Variants in MAP3K20 observed in about 807,000 individuals in gnomAD.
MAP3K20 encodes mitogen-activated protein kinase kinase kinase 20, also known as HCCS-4.
A neutral mutation model predicts 85.7 loss-of-function variants in MAP3K20; 40 were observed. That is an observed-to-expected ratio of 0.47 (90% CI 0.36 to 0.61). The LOEUF (loss-of-function observed/expected upper bound fraction) is 0.61. MAP3K20 is among the 20% of genes least tolerant of loss of function. MAP3K20 has a pLI of 0.00. For missense variants in MAP3K20, 817 were observed against 961.7 expected (o/e 0.85, Z 1.99); for synonymous variants, 325 against 327.7 (o/e 0.99, Z 0.09).
chr2:173,182,960 T>A lies in MAP3K20; in HGVS notation c.349+5T>A. The A allele has an allele frequency of 6.3e-7, 1 of 1,594,668 alleles. No individual in the cohort carries two copies. Among genetic ancestry groups the A allele is most frequent in the South Asian group, 1.1e-5 (1 of 87,554 alleles). On this transcript the variant is annotated splice_donor_5th_base_variant and intron_variant, in intron 4 of 19. Coordinates refer to ENST00000375213, the MANE Select transcript of MAP3K20 (RefSeq NM_016653.3). ...GGGCCACTGATGTAGCCAAAGGTAATAATATTTGGTATATTCTTATAGAAT... is the reference window on the plus strand; with the variant it reads ...GGGCCACTGATGTAGCCAAAGGTAAAAATATTTGGTATATTCTTATAGAAT...
At chr2:173,123,453 A>G (rs977991715) in intron 2 of MAP3K20, among the ~76,000 whole-genome samples, 3 of 152,192 alleles carry the variant, frequency 2.0e-5, no homozygotes, top group African/African-American at 7.2e-5. Context: ...GTTGAGATTT[A>G]GGAACTGAGT....
chr2:173,089,707 C>T (rs1026223824), intron 1 of MAP3K20, among the ~76,000 whole-genome samples: 1 of 151,986 alleles, frequency 6.6e-6, no homozygotes, highest in Non-Finnish European at 1.5e-5. Context: ...CTCAGCCTCC[C>T]AAGAGCTGGA....
At chr2:173,146,628 C>G (rs1261864629) in intron 2 of MAP3K20, among the ~76,000 whole-genome samples, 1 of 152,192 alleles carries the variant, frequency 6.6e-6, no homozygotes, top group Non-Finnish European at 1.5e-5. Flanking sequence ...TCTGCCTATT[C>G]TGGACATTTC....
chr2:173,086,591 A>G (rs1687152781), intron 1 of MAP3K20, among the ~76,000 whole-genome samples: 2 of 152,242 alleles, frequency 1.3e-5, no homozygotes, highest in African/African-American at 2.4e-5. Context: ...CCAGTTCCCA[A>G]AATGGCATGG....
chr2:173,097,671 G>A (rs1043638893), intron 2 of MAP3K20, among the ~76,000 whole-genome samples: 13 of 152,050 alleles, frequency 8.5e-5, no homozygotes, highest in South Asian at 6.2e-4. Flanking sequence ...TAGAAATGTC[G>A]GAAGCCAGAT....
intron 8 of MAP3K20, among the ~76,000 whole-genome samples, chr2:173,201,799 C>G (rs539056991): frequency 6.6e-6 from 1 of 152,134 alleles, no homozygotes; most frequent in Non-Finnish European, 1.5e-5. Flanking sequence ...TTTTAACGCA[C>G]CAAAATAATC....
chr2:173,239,042 G>C (rs977613673), intron 15 of MAP3K20, among the ~76,000 whole-genome samples: 1 of 152,082 alleles, frequency 6.6e-6, no homozygotes, highest in African/African-American at 2.4e-5. Context: ...TCCGTCTTTG[G>C]GAATAGCTTG....
At chr2:173,175,059 C>A (rs1446291755) in intron 3 of MAP3K20, among the ~76,000 whole-genome samples, 2 of 152,138 alleles carry the variant, frequency 1.3e-5, no homozygotes, top group Non-Finnish European at 2.9e-5. Flanking sequence ...GGAATAATTG[C>A]TCTGTGTTAA....
At chr2:173,105,251 A>G (rs1687750993) in intron 2 of MAP3K20, among the ~76,000 whole-genome samples, 1 of 152,114 alleles carries the variant, frequency 6.6e-6, no homozygotes. Flanking sequence ...TGGGGCTAGG[A>G]AGGTTGCAGT....
At chr2:173,108,132 TA>T (rs79880238) in intron 2 of MAP3K20, among the ~76,000 whole-genome samples, 28 of 130,582 alleles carry the variant, frequency 2.1e-4, no homozygotes, top group Non-Finnish European at 4.0e-4. Context: ...CTGGGATTTT[TA>T]TTTTTTTTTT....
intron 10 of MAP3K20, chr2:173,214,294 A>G (rs760464239): frequency 6.6e-6 from 1 of 152,196 alleles, no homozygotes; most frequent in African/African-American, 2.4e-5. Flanking sequence ...AATAATGGCA[A>G]TGAGCATTAA....
At chr2:173,211,580 T>A (rs1487126053) in intron 10 of MAP3K20, 1 of 152,208 alleles carries the variant, frequency 6.6e-6, no homozygotes, top group Admixed American at 6.6e-5. Context: ...CTTTATGTGC[T>A]CTGAGAGCAT....
At chr2:173,160,651 G>A (rs1434307382) in intron 2 of MAP3K20, among the ~76,000 whole-genome samples, 1 of 152,182 alleles carries the variant, frequency 6.6e-6, no homozygotes, top group Non-Finnish European at 1.5e-5. Context: ...GAAAGATCTA[G>A]CTGTTTTGAC....
chr2:173,180,615 G>T (rs1690296722), intron 3 of MAP3K20, among the ~76,000 whole-genome samples: 1 of 152,130 alleles, frequency 6.6e-6, no homozygotes, highest in African/African-American at 2.4e-5. Context: ...GGTTGAGGCT[G>T]CAGGGAGCCA....
chr2:173,099,989 ACAGT>A (rs1025684911), intron 2 of MAP3K20, among the ~76,000 whole-genome samples: 2 of 152,246 alleles, frequency 1.3e-5, no homozygotes, highest in Admixed American at 1.3e-4. Context: ...ACTGTACCCC[ACAGT>A]CAGAACAGCA....
At chr2:173,111,071 AC>A (rs1687961303) in intron 2 of MAP3K20, among the ~76,000 whole-genome samples, 1 of 152,068 alleles carries the variant, frequency 6.6e-6, no homozygotes, top group Non-Finnish European at 1.5e-5. Context: ...TTCCCTGTTC[AC>A]CACATCCATG....
At chr2:173,229,835 T>C in intron 12 of MAP3K20, 102 bp downstream of exon 12, 1 of 1,299,292 alleles carries the variant, frequency 7.7e-7, no homozygotes, top group Admixed American at 1.8e-5. Flanking sequence ...AAAGTCTAAC[T>C]AGGAGAGGTT....
At chr2:173,175,591 A>C (rs1319732899) in intron 3 of MAP3K20, among the ~76,000 whole-genome samples, 1 of 152,182 alleles carries the variant, frequency 6.6e-6, no homozygotes, top group African/African-American at 2.4e-5. Flanking sequence ...CATATGTATG[A>C]AGTTTATAAA....
chr2:173,188,272 G>T (rs1690548755), intron 5 of MAP3K20, among the ~76,000 whole-genome samples: 1 of 152,156 alleles, frequency 6.6e-6, no homozygotes. Flanking sequence ...CTTCAAGTAG[G>T]AGTGGTAACA....
Sources: allele counts gnomAD v4.1 joint callset (sites outside exome capture counted in the v4.1 genomes callset), GRCh38; gene constraint gnomAD v4.1.1; transcripts MANE v1.5; gene names NCBI Gene and HGNC (gene_info 2026-07-23, HGNC 2026-07-21).